Variants in ANK3 observed in about 807,000 individuals in gnomAD.
ANK3 encodes ankyrin-3.
A neutral mutation model predicts 370.9 loss-of-function variants in ANK3; 57 were observed. The ratio of observed to expected loss-of-function variants is 0.15; its 90% CI spans 0.12 to 0.19. The LOEUF is 0.19. Ranked by LOEUF, ANK3 falls within the 10% of genes least tolerant of loss-of-function variation. ANK3 has a pLI of 1.00. For synonymous variants in ANK3, 1,929 were observed against 1,946.3 expected (o/e 0.99, Z 0.23); for missense variants, 4,439 against 5,302.1 (o/e 0.84, Z 5.06).
intron 2 of ANK3, among the ~76,000 whole-genome samples, chr10:60,539,283 A>C (rs1344372475): frequency 2.6e-5 from 4 of 151,928 alleles, no homozygotes; most frequent in South Asian, 2.1e-4. Context: ...GCAGATATAC[A>C]CTATAATACC....
At chr10:60,270,010 G>T (rs895046841) in intron 5 of ANK3, 121 bp downstream of exon 5, 2 of 514,502 alleles carry the variant, frequency 3.9e-6, no homozygotes, top group Non-Finnish European at 6.7e-6. Flanking sequence ...TAAAACTTAT[G>T]AACCCACACA....
chr10:60,345,334 A>G (rs1465211429), intron 1 of ANK3, among the ~76,000 whole-genome samples: 1 of 152,156 alleles, frequency 6.6e-6, no homozygotes, highest in Non-Finnish European at 1.5e-5. Flanking sequence ...TTGGCATGCC[A>G]TATCCCTACT....
intron 1 of ANK3, among the ~76,000 whole-genome samples, chr10:60,728,179 G>A (rs1415368346): frequency 6.6e-5 from 10 of 151,998 alleles, no homozygotes; most frequent in Non-Finnish European, 1.3e-4. Flanking sequence ...AAAAAAGAAA[G>A]AAAACCTCAA....
At chr10:60,045,994 C>T (rs1029269895) in intron 42 of ANK3, among the ~76,000 whole-genome samples, 1 of 151,570 alleles carries the variant, frequency 6.6e-6, no homozygotes, top group African/African-American at 2.4e-5. Context: ...ATGGGCGGGA[C>T]ATTTAACTTG....
intron 8 of ANK3, 26 bp downstream of exon 8, chr10:60,234,662 A>AG: frequency 7.2e-7 from 1 of 1,397,976 alleles, no homozygotes. Flanking sequence ...TACAAGTAGA[A>AG]GCAGGTACAT....
At chr10:60,677,606 C>G (rs2079141836) in intron 1 of ANK3, among the ~76,000 whole-genome samples, 2 of 151,948 alleles carry the variant, frequency 1.3e-5, no homozygotes, top group Non-Finnish European at 2.9e-5. Context: ...TTTGAAACAT[C>G]TGAATTCCTT....
intron 2 of ANK3, among the ~76,000 whole-genome samples, chr10:60,487,816 G>T (rs2075389362): frequency 6.6e-6 from 1 of 151,872 alleles, no homozygotes; most frequent in Non-Finnish European, 1.5e-5. Flanking sequence ...CAGGGTTCCA[G>T]CAATTCTCCT....
chr10:60,730,617 T>A (rs1225448487), intron 1 of ANK3, among the ~76,000 whole-genome samples: 3 of 152,132 alleles, frequency 2.0e-5, no homozygotes, highest in African/African-American at 7.2e-5. Context: ...CGACAAAGGA[T>A]GAAAATAAAA....
At chr10:60,457,599 G>A (rs891405517) in intron 2 of ANK3, among the ~76,000 whole-genome samples, 1 of 152,106 alleles carries the variant, frequency 6.6e-6, no homozygotes, top group Admixed American at 6.6e-5. Flanking sequence ...TTAAGTCATA[G>A]GATAAAATGA....
chr10:60,476,329 C>T (rs1187834085), intron 2 of ANK3, among the ~76,000 whole-genome samples: 1 of 152,092 alleles, frequency 6.6e-6, no homozygotes, highest in African/African-American at 2.4e-5. Flanking sequence ...CCACATGTGA[C>T]TTGATGATGT....
intron 28 of ANK3, among the ~76,000 whole-genome samples, chr10:60,092,513 A>G (rs1271455353): frequency 6.6e-6 from 1 of 152,234 alleles, no homozygotes; most frequent in East Asian, 1.9e-4. Context: ...TTCAACCCAG[A>G]TTTAAAAAAT....
At chr10:60,704,665 A>T (rs2079589992) in intron 1 of ANK3, among the ~76,000 whole-genome samples, 1 of 152,230 alleles carries the variant, frequency 6.6e-6, no homozygotes, top group Admixed American at 6.5e-5. Flanking sequence ...ATTCTAGGAA[A>T]TGAGTGTGAA....
At chr10:60,082,299 G>A in intron 34 of ANK3, 123 bp from the exon 35 acceptor site, 1 of 913,472 alleles carries the variant, frequency 1.1e-6, no homozygotes, top group South Asian at 1.7e-5. Context: ...AGAAAGCAAA[G>A]CAAATTTTAA....
At chr10:60,326,565 C>G (rs965940986) in intron 1 of ANK3, among the ~76,000 whole-genome samples, 4 of 152,110 alleles carry the variant, frequency 2.6e-5, no homozygotes, top group African/African-American at 9.7e-5. Flanking sequence ...CCTCTCCCTC[C>G]TTTCAGTCAT....
At chr10:60,277,458 T>C (rs190145556) in intron 4 of ANK3, among the ~76,000 whole-genome samples, 195 of 152,320 alleles carry the variant, frequency 1.3e-3, no homozygotes, top group African/African-American at 4.3e-3. Context: ...CTAAACCAAG[T>C]GTTATTTTTC....
At chr10:60,330,312 C>G (rs112506406) in intron 1 of ANK3, among the ~76,000 whole-genome samples, 4 of 152,152 alleles carry the variant, frequency 2.6e-5, no homozygotes, top group African/African-American at 9.7e-5. Context: ...AGCTTCTGCA[C>G]AGCAAAAGAA....
intron 1 of ANK3, among the ~76,000 whole-genome samples, chr10:60,373,571 A>G (rs1438207432): frequency 1.3e-5 from 2 of 152,066 alleles, no homozygotes; most frequent in Non-Finnish European, 2.9e-5. Context: ...TTAGGTAGGA[A>G]TAAAGCCTAT....
At chr10:60,627,399 T>TA (rs942476082) in intron 1 of ANK3, among the ~76,000 whole-genome samples, 2 of 145,876 alleles carry the variant, frequency 1.4e-5, no homozygotes, top group African/African-American at 2.4e-5. Flanking sequence ...TGTCCGTCAT[T>TA]AAAAAAAAGA....
At chr10:60,322,803 A>G (rs559870434) in intron 1 of ANK3, among the ~76,000 whole-genome samples, 44 of 118,574 alleles carry the variant, frequency 3.7e-4, no homozygotes, top group African/African-American at 8.8e-4. Context: ...TATGGGGGGG[A>G]AAAAAAATCT....
Sources: gnomAD v4.1 joint callset for allele counts (sites outside exome capture counted in the v4.1 genomes callset) on GRCh38, gnomAD v4.1.1 for gene constraint, MANE v1.5 for transcripts, NCBI Gene and HGNC (gene_info 2026-07-23, HGNC 2026-07-21) for gene names.